XNDC1N: variants seen among roughly 807,000 people sequenced by gnomAD.
XNDC1N encodes XRCC1 N-terminal domain containing 1, N-terminal like.
chr11:71,896,769 G>A, the XNDC1N span, among the ~76,000 whole-genome samples: 9 of 152,192 alleles, frequency 5.9e-5, no homozygotes, highest in African/African-American at 1.4e-4. Flanking sequence ...TCTCCCTGTC[G>A]GTCAGGCTGG....
chr11:71,901,911 C>T, the XNDC1N span, among the ~76,000 whole-genome samples: 9 of 152,052 alleles, frequency 5.9e-5, no homozygotes, highest in African/African-American at 1.9e-4. Flanking sequence ...TTAAGATTTT[C>T]AGCTTCAACT....
At chr11:71,917,015 A>G in the XNDC1N span, 1 of 178,154 alleles carries the variant, frequency 5.6e-6, no homozygotes, top group Non-Finnish European at 1.2e-5. Context: ...TATTGTTATT[A>G]TTATTATTAT....
chr11:71,900,562 C>T, the XNDC1N span, among the ~76,000 whole-genome samples: 1 of 152,198 alleles, frequency 6.6e-6, no homozygotes, highest in Non-Finnish European at 1.5e-5. Flanking sequence ...ATTTTGCTCT[C>T]CTCCCCCACT....
chr11:71,924,235 T>A, the XNDC1N span, among the ~76,000 whole-genome samples: 4 of 152,148 alleles, frequency 2.6e-5, no homozygotes, highest in African/African-American at 9.7e-5. Flanking sequence ...CTTGCTAAGC[T>A]GGGTGTGGTG....
the XNDC1N span, among the ~76,000 whole-genome samples, chr11:71,868,433 T>A: frequency 2.6e-5 from 4 of 152,226 alleles, no homozygotes; most frequent in Admixed American, 6.5e-5. Flanking sequence ...TTTTCCATAT[T>A]TAGCACTCCC....
the XNDC1N span, among the ~76,000 whole-genome samples, chr11:71,920,204 C>A: frequency 6.6e-6 from 1 of 151,688 alleles, no homozygotes; most frequent in East Asian, 1.9e-4. Flanking sequence ...GTGATCCGCC[C>A]GCCTCAGCCT....
the XNDC1N span, chr11:71,893,422 T>G: frequency 1.4e-6 from 1 of 711,078 alleles, no homozygotes; most frequent in East Asian, 2.7e-5. Flanking sequence ...TTTTATCTTT[T>G]ATTTTTCCAA....
At chr11:71,888,232 A>G in the XNDC1N span, among the ~76,000 whole-genome samples, 265 of 152,290 alleles carry the variant, frequency 1.7e-3, 3 homozygotes, top group Admixed American at 3.3e-3. Flanking sequence ...GGGATTGACT[A>G]TCCGACAGGG....
At chr11:71,907,974 A>G in the XNDC1N span, among the ~76,000 whole-genome samples, 1 of 152,140 alleles carries the variant, frequency 6.6e-6, no homozygotes, top group Non-Finnish European at 1.5e-5. Flanking sequence ...CTATATTGTG[A>G]GTAACGTCAT....
At chr11:71,872,715 A>G in the XNDC1N span, among the ~76,000 whole-genome samples, 1 of 152,254 alleles carries the variant, frequency 6.6e-6, no homozygotes, top group East Asian at 1.9e-4. Context: ...GTGACAGAGC[A>G]AGACTCCGTC....
At chr11:71,904,867 T>A in the XNDC1N span, among the ~76,000 whole-genome samples, 1 of 151,882 alleles carries the variant, frequency 6.6e-6, no homozygotes, top group Non-Finnish European at 1.5e-5. Context: ...TCACAGGTGT[T>A]GAATACACAT....
chr11:71,895,168 T>C, the XNDC1N span, among the ~76,000 whole-genome samples: 1 of 152,038 alleles, frequency 6.6e-6, no homozygotes, highest in African/African-American at 2.4e-5. Context: ...ATGAAGTTTT[T>C]AGAGGCATCA....
At chr11:71,866,713 G>A in the XNDC1N span, among the ~76,000 whole-genome samples, 11 of 151,736 alleles carry the variant, frequency 7.2e-5, no homozygotes, top group Admixed American at 2.0e-4. Flanking sequence ...GCAGTGAGCC[G>A]AGATTGCGCC....
At chr11:71,906,765 TAG>T in the XNDC1N span, among the ~76,000 whole-genome samples, 1 of 152,138 alleles carries the variant, frequency 6.6e-6, no homozygotes, top group Non-Finnish European at 1.5e-5. Flanking sequence ...CGTGTGACGT[TAG>T]GAGTCACATC....
chr11:71,917,256 C>T, the XNDC1N span: 8 of 668,898 alleles, frequency 1.2e-5, no homozygotes, highest in African/African-American at 1.8e-5. Flanking sequence ...TCAGATGATC[C>T]ACTTGTCCCA....
At chr11:71,911,137 A>T in the XNDC1N span, among the ~76,000 whole-genome samples, 572 of 152,364 alleles carry the variant, frequency 3.8e-3, 1 homozygote, top group Middle Eastern at 0.01. Context: ...ACTGCCCTGC[A>T]AGTACAAGAA....
the XNDC1N span, chr11:71,903,298 G>C: frequency 1.4e-6 from 2 of 1,384,446 alleles, no homozygotes; most frequent in East Asian, 2.3e-5. Context: ...CCATGTGCCT[G>C]GTCACGGTGC....
At chr11:71,908,753 T>C in the XNDC1N span, among the ~76,000 whole-genome samples, 1 of 152,146 alleles carries the variant, frequency 6.6e-6, no homozygotes, top group African/African-American at 2.4e-5. Context: ...CAGTTGCTCA[T>C]GTTGCTCTTT....
At chr11:71,887,137 G>A in the XNDC1N span, among the ~76,000 whole-genome samples, 1 of 152,194 alleles carries the variant, frequency 6.6e-6, no homozygotes, top group East Asian at 1.9e-4. Flanking sequence ...GACAGTCGGG[G>A]GTGGAGACAT....
Sources: gnomAD v4.1 joint callset for allele counts (sites outside exome capture counted in the v4.1 genomes callset) on GRCh38, gnomAD v4.1.1 for gene constraint, MANE v1.5 for transcripts, NCBI Gene and HGNC (gene_info 2026-07-23, HGNC 2026-07-21) for gene names.